Variants in PARD3 observed in about 807,000 individuals in gnomAD.
The protein encoded by PARD3 is par-3 family cell polarity regulator, also known as partitioning defective 3 homolog.
A neutral mutation model predicts 155.4 loss-of-function variants in PARD3; 75 were observed. That is an observed-to-expected ratio of 0.48 (90% CI 0.40 to 0.58). PARD3 has a LOEUF of 0.58. Among genes scored for constraint, PARD3 ranks in the 20% least tolerant of loss-of-function variants. The probability of loss-of-function intolerance (pLI) is 0.00; values close to 1 mark genes in which losing one functional copy is unlikely to be tolerated. For missense variants in PARD3, 1,642 were observed against 1,721.7 expected (o/e 0.95, Z 0.82); for synonymous variants, 576 against 610.5 (o/e 0.94, Z 0.83).
At chr10:34,349,944 A>G (rs1256714951) in intron 14 of PARD3, among the ~76,000 whole-genome samples, 1 of 152,232 alleles carries the variant, frequency 6.6e-6, no homozygotes, top group African/African-American at 2.4e-5. Context: ...CAGGTTTTCT[A>G]GAGAAAAACA....
At chr10:34,332,981 G>C (rs1215211308) in intron 18 of PARD3, among the ~76,000 whole-genome samples, 3 of 152,044 alleles carry the variant, frequency 2.0e-5, no homozygotes, top group African/African-American at 7.2e-5. Context: ...ATCATTCCTG[G>C]GCAGGGATAT....
At chr10:34,457,119 C>T (rs868519875) in intron 4 of PARD3, among the ~76,000 whole-genome samples, 5 of 152,110 alleles carry the variant, frequency 3.3e-5, no homozygotes, top group Admixed American at 2.0e-4. Context: ...ATCTTGTTAA[C>T]GGTCTTATCA....
chr10:34,506,840 G>A (rs576641023), intron 3 of PARD3, among the ~76,000 whole-genome samples: 1 of 152,252 alleles, frequency 6.6e-6, no homozygotes, highest in African/African-American at 2.4e-5. Context: ...CATTGTGATT[G>A]CAAATATCAG....
At chr10:34,305,222 T>C (rs756315650) in intron 20 of PARD3, among the ~76,000 whole-genome samples, 11 of 152,090 alleles carry the variant, frequency 7.2e-5, no homozygotes, top group Non-Finnish European at 1.5e-4. Flanking sequence ...GAAGGTGAGG[T>C]TGTCATCAGC....
intron 2 of PARD3, among the ~76,000 whole-genome samples, chr10:34,690,006 C>T (rs921985770): frequency 5.9e-5 from 9 of 152,118 alleles, no homozygotes; most frequent in Admixed American, 2.0e-4. Flanking sequence ...GTACAGTGGG[C>T]GATCTCAGCT....
intron 1 of PARD3, among the ~76,000 whole-genome samples, chr10:34,729,796 G>A (rs949339660): frequency 6.6e-6 from 1 of 152,110 alleles, no homozygotes; most frequent in Non-Finnish European, 1.5e-5. Context: ...AAAGTAATCT[G>A]ACCATGGTCC....
intron 2 of PARD3, among the ~76,000 whole-genome samples, chr10:34,568,972 T>C (rs552576500): frequency 6.8e-4 from 103 of 152,348 alleles, no homozygotes; most frequent in Admixed American, 3.9e-4. Context: ...ACTAAGGTTA[T>C]TGATATTCAA....
chr10:34,436,981 G>A (rs1307369364), intron 5 of PARD3, among the ~76,000 whole-genome samples: 1 of 152,148 alleles, frequency 6.6e-6, no homozygotes, highest in Non-Finnish European at 1.5e-5. Context: ...ATAGAGAGTT[G>A]GGGGAGGGAG....
At chr10:34,722,872 G>A (rs1056666044) in intron 1 of PARD3, among the ~76,000 whole-genome samples, 6 of 152,070 alleles carry the variant, frequency 3.9e-5, no homozygotes, top group African/African-American at 1.4e-4. Flanking sequence ...GTAACTATCT[G>A]ATATCTAAGA....
At chr10:34,183,146 G>A (rs1055080862) in intron 22 of PARD3, among the ~76,000 whole-genome samples, 1 of 152,222 alleles carries the variant, frequency 6.6e-6, no homozygotes, top group Non-Finnish European at 1.5e-5. Flanking sequence ...AGCAGTGACT[G>A]AGTGAATAAG....
intron 22 of PARD3, among the ~76,000 whole-genome samples, chr10:34,146,597 A>G (rs973158878): frequency 2.6e-5 from 4 of 152,214 alleles, no homozygotes; most frequent in African/African-American, 9.6e-5. Flanking sequence ...GATGAAAATC[A>G]CAGTTTGGCT....
intron 1 of PARD3, among the ~76,000 whole-genome samples, chr10:34,788,457 T>TG (rs1841252298): frequency 6.6e-6 from 1 of 150,938 alleles, no homozygotes; most frequent in South Asian, 2.1e-4. Flanking sequence ...GTTCTTTTTT[T>TG]TTTTTTTCCT....
chr10:34,306,032 G>A (rs1410807277), intron 20 of PARD3, among the ~76,000 whole-genome samples: 2 of 151,754 alleles, frequency 1.3e-5, no homozygotes, highest in Non-Finnish European at 2.9e-5. Context: ...GGTAGCTCAC[G>A]CCTGTAATCC....
chr10:34,362,569 A>C (rs577076860), intron 12 of PARD3, among the ~76,000 whole-genome samples: 2 of 152,222 alleles, frequency 1.3e-5, no homozygotes, highest in Admixed American at 6.5e-5. Context: ...ATCACTACTC[A>C]CTACACCTTT....
chr10:34,224,417 T>A (rs1284609212), intron 22 of PARD3, among the ~76,000 whole-genome samples: 1 of 152,244 alleles, frequency 6.6e-6, no homozygotes, highest in Non-Finnish European at 1.5e-5. Context: ...CAGGTGTCAC[T>A]CGAGTGTGCA....
At chr10:34,643,958 A>C (rs2092757859) in intron 2 of PARD3, among the ~76,000 whole-genome samples, 1 of 152,150 alleles carries the variant, frequency 6.6e-6, no homozygotes, top group Non-Finnish European at 1.5e-5. Context: ...AAAACACACA[A>C]GAGTGGAAGA....
At chr10:34,214,217 G>C (rs1417962756) in intron 22 of PARD3, among the ~76,000 whole-genome samples, 1 of 152,106 alleles carries the variant, frequency 6.6e-6, no homozygotes, top group Non-Finnish European at 1.5e-5. Context: ...ATTCTCATGT[G>C]TGGATGCTTT....
chr10:34,734,322 C>CTTTTTTTTTT (rs142307338), intron 1 of PARD3, among the ~76,000 whole-genome samples: 7 of 68,008 alleles, frequency 1.0e-4, no homozygotes, highest in African/African-American at 4.2e-4. Context: ...ATATGGGGCC[C>CTTTTTTTTTT]TTTTTTTTTT....
At chr10:34,738,503 T>G (rs1395341966) in intron 1 of PARD3, among the ~76,000 whole-genome samples, 1 of 98,966 alleles carries the variant, frequency 1.0e-5, no homozygotes, top group Non-Finnish European at 2.5e-5. Context: ...TTTAATAAGC[T>G]CCACAGCACA....
Sources: allele counts gnomAD v4.1 joint callset (sites outside exome capture counted in the v4.1 genomes callset), GRCh38; gene constraint gnomAD v4.1.1; transcripts MANE v1.5; gene names NCBI Gene and HGNC (gene_info 2026-07-23, HGNC 2026-07-21).